The following DDX60L variants were observed in gnomAD, a reference collection of about 807,000 sequenced individuals.
DDX60L encodes probable ATP-dependent RNA helicase DDX60-like.
In DDX60L, 191 loss-of-function variants were observed where a neutral mutation model predicts 211.6. The ratio of observed to expected loss-of-function variants is 0.90; its 90% confidence interval spans 0.80 to 1.02. The LOEUF (loss-of-function observed/expected upper bound fraction) is 1.02, where lower values mean the gene tolerates loss of function less well. DDX60L is among the 50% of genes least tolerant of loss of function. The pLI is 0.00. For synonymous variants in DDX60L, 706 were observed against 694.1 expected, an observed-to-expected ratio of 1.02 and a Z score of -0.27; for missense variants, 2,007 against 1,984.1, an observed-to-expected ratio of 1.01 and a Z score of -0.22.
chr4:168,406,087 G>C lies in DDX60L; in HGVS notation c.3085-9C>G. The C allele has an allele frequency of 6.3e-7, 1 of 1,582,770 alleles. No individual in the cohort carries two copies. Among genetic ancestry groups the C allele is most frequent in the Non-Finnish European group, 8.5e-7 (1 of 1,169,598 alleles). On this transcript the variant is annotated splice_polypyrimidine_tract_variant and intron_variant, in intron 23 of 37. Transcript: ENST00000682922. Reference sequence around the variant, plus strand: ...TCCTCTGGACACAATTCCTTGGGGGGAAAATTATCACAAAATTAAGCTAAG... The same window carrying C: ...TCCTCTGGACACAATTCCTTGGGGGCAAAATTATCACAAAATTAAGCTAAG...
chr4:168,418,307 A>T (rs1561027753), intron 19 of DDX60L, among the ~76,000 whole-genome samples: 1 of 152,120 alleles, frequency 6.6e-6, no homozygotes, highest in Non-Finnish European at 1.5e-5. Flanking sequence ...ACCTCAGGTG[A>T]TCCACCCGCC....
At chr4:168,417,164 T>C (rs1749710471) in intron 19 of DDX60L, among the ~76,000 whole-genome samples, 2 of 152,166 alleles carry the variant, frequency 1.3e-5, no homozygotes, top group South Asian at 4.1e-4. Flanking sequence ...AATGGTATTA[T>C]TAAACAAAAA....
At chr4:168,361,110 T>C (rs749626220) in intron 37 of DDX60L, 39 bp downstream of exon 37, 7 of 1,450,986 alleles carry the variant, frequency 4.8e-6, no homozygotes, top group Non-Finnish European at 6.7e-6. Flanking sequence ...TAAACTATCA[T>C]TAAATAATTG....
At chr4:168,460,203 T>C (rs1757136307) in intron 5 of DDX60L, among the ~76,000 whole-genome samples, 1 of 152,196 alleles carries the variant, frequency 6.6e-6, no homozygotes, top group Non-Finnish European at 1.5e-5. Flanking sequence ...CTAGATTCAC[T>C]CATAAGATTA....
intron 9 of DDX60L, among the ~76,000 whole-genome samples, chr4:168,442,275 A>C (rs1425670919): frequency 3.9e-5 from 6 of 152,210 alleles, no homozygotes; most frequent in East Asian, 3.9e-4. Context: ...CACTCCCACC[A>C]GAATACTGCA....
rs1190614611 is a variant in DDX60L, at chr4:168,453,032, A to C, written c.996+92T>G. 6.2e-6 allele frequency: 8 copies of C among 1,287,546 alleles called. No homozygotes were observed. In the African/African-American group the frequency reaches 1.2e-4, roughly 19 times the overall value. The allele number at this position is 1,287,546 out of a possible 1,614,324, so 79.8% of individuals were successfully genotyped here. A position where few individuals can be genotyped will look rare whatever the true frequency, so the allele number is the denominator to read the frequency against. On this transcript the variant is annotated intron_variant, in intron 8 of 37. Coordinates refer to ENST00000682922, the MANE Select transcript of DDX60L (RefSeq NM_001012967.3). ...GGAACTTGATTTATCAGCTAATTAG[A>C]TCTGGCATTATTCCAATATAACTCT...
intron 6 of DDX60L, 78 bp from the exon 7 acceptor site, chr4:168,456,230 A>AGC: frequency 1.3e-6 from 1 of 790,344 alleles, no homozygotes; most frequent in Non-Finnish European, 1.9e-6. Flanking sequence ...TACTTGTAAG[A>AGC]AACATAAAGA....
intron 32 of DDX60L, among the ~76,000 whole-genome samples, chr4:168,378,848 C>G (rs1178347592): frequency 6.6e-6 from 1 of 152,128 alleles, no homozygotes; most frequent in African/African-American, 2.4e-5. Flanking sequence ...GAGGGTATCT[C>G]AACGGCTAAT....
At chr4:168,419,481 G>T in intron 18 of DDX60L, 84 bp from the exon 19 acceptor site, 2 of 924,452 alleles carry the variant, frequency 2.2e-6, no homozygotes, top group Non-Finnish European at 3.2e-6. Context: ...TAGAAAATAT[G>T]CTGCTGCTGA....
intron 25 of DDX60L, among the ~76,000 whole-genome samples, chr4:168,402,539 GTTA>G (rs1454962331): frequency 4.2e-4 from 64 of 152,170 alleles, no homozygotes; most frequent in African/African-American, 1.5e-3. Flanking sequence ...CAATGAATTA[GTTA>G]TTATCTCCAT....
At chr4:168,473,175 AG>A (rs2150151166) in intron 1 of DDX60L, among the ~76,000 whole-genome samples, 1 of 152,326 alleles carries the variant, frequency 6.6e-6, no homozygotes, top group South Asian at 2.1e-4. Context: ...GCTGCAGCAG[AG>A]GGTAAGGCTG....
intron 28 of DDX60L, among the ~76,000 whole-genome samples, chr4:168,394,152 C>T (rs1194243711): frequency 1.3e-5 from 2 of 151,068 alleles, no homozygotes; most frequent in Admixed American, 6.6e-5. Flanking sequence ...GCCAAGATCG[C>T]GCCACTGCAC....
At chr4:168,475,224 A>G (rs1263416639) in intron 1 of DDX60L, among the ~76,000 whole-genome samples, 1 of 152,200 alleles carries the variant, frequency 6.6e-6, no homozygotes, top group Non-Finnish European at 1.5e-5. Context: ...GGTTGTCAAG[A>G]TAAAATGTGT....
intron 30 of DDX60L, among the ~76,000 whole-genome samples, chr4:168,381,375 G>C (rs566389933): frequency 6.6e-6 from 1 of 152,218 alleles, no homozygotes; most frequent in African/African-American, 2.4e-5. Flanking sequence ...CTGGACTCAA[G>C]TGATCCTCCT....
rs1425895705 is a variant in DDX60L, at chr4:168,358,033, T to C, written c.*114A>G. The C allele has an allele frequency of 4.3e-6, 4 of 927,196 alleles. No individual in the cohort carries two copies. The highest frequency in any genetic ancestry group is 6.6e-6 in the Non-Finnish European group (4 of 609,114). The allele number at this position is 927,196 out of a possible 1,614,324, so 57.4% of individuals were successfully genotyped here. A position where few individuals can be genotyped will look rare whatever the true frequency, so the allele number is the denominator to read the frequency against. ...TAGCAGAGCTGATATCTGAGTTTAATTCTGTTTGACTCCAAGACAAACATT... is the reference window on the plus strand; with the variant it reads ...TAGCAGAGCTGATATCTGAGTTTAACTCTGTTTGACTCCAAGACAAACATT... On this transcript the variant is annotated 3_prime_UTR_variant, in exon 38 of 38. Coordinates refer to ENST00000682922, the MANE Select transcript of DDX60L (RefSeq NM_001012967.3).
chr4:168,455,008 T>C (rs1038623001), intron 7 of DDX60L, among the ~76,000 whole-genome samples: 3 of 151,948 alleles, frequency 2.0e-5, no homozygotes. Flanking sequence ...GTAGATATCA[T>C]GTCTATTTCT....
At chr4:168,404,523 A>T (rs1747404322) in intron 24 of DDX60L, among the ~76,000 whole-genome samples, 1 of 152,080 alleles carries the variant, frequency 6.6e-6, no homozygotes, top group African/African-American at 2.4e-5. Flanking sequence ...AATTAAAAAG[A>T]AAAAGTTTTA....
At chr4:168,460,773 C>T (rs979097590) in intron 5 of DDX60L, among the ~76,000 whole-genome samples, 35 of 152,174 alleles carry the variant, frequency 2.3e-4, no homozygotes, top group African/African-American at 8.4e-4. Flanking sequence ...ACAAGATTGC[C>T]TCCCACTTCA....
At chr4:168,378,544 GT>G in intron 32 of DDX60L, 69 bp from the exon 33 acceptor site, 1 of 1,253,936 alleles carries the variant, frequency 8.0e-7, no homozygotes, top group Non-Finnish European at 1.1e-6. Flanking sequence ...GCCTAAATTT[GT>G]TTTTATAGTA....
Sources: gnomAD v4.1 joint callset for allele counts (sites outside exome capture counted in the v4.1 genomes callset) on GRCh38, gnomAD v4.1.1 for gene constraint, MANE v1.5 for transcripts, NCBI Gene and HGNC (gene_info 2026-07-23, HGNC 2026-07-21) for gene names.